Variants in KCNAB1 observed in about 807,000 individuals in gnomAD.
KCNAB1 encodes the protein voltage-gated potassium channel subunit beta-1.
In KCNAB1, 35 loss-of-function variants were observed where a neutral mutation model predicts 64.6. That is an observed-to-expected ratio of 0.54 (90% CI 0.41 to 0.72). The LOEUF is 0.72. Ranked by LOEUF, KCNAB1 falls within the 30% of genes least tolerant of loss-of-function variation. The pLI, the probability that KCNAB1 is intolerant of heterozygous loss-of-function variation, is 0.00. For synonymous variants in KCNAB1, 177 were observed against 183.8 expected (o/e 0.96, Z 0.30); for missense variants, 401 against 512.9 (o/e 0.78, Z 2.11).
At chr3:156,518,074 A>G (rs1334717430) in intron 11 of KCNAB1, among the ~76,000 whole-genome samples, 1 of 152,234 alleles carries the variant, frequency 6.6e-6, no homozygotes, top group Non-Finnish European at 1.5e-5. Flanking sequence ...CAAACAGCTG[A>G]AAAATCTTTC....
At chr3:156,246,331 C>T (rs936437081) in intron 1 of KCNAB1, among the ~76,000 whole-genome samples, 4 of 152,182 alleles carry the variant, frequency 2.6e-5, no homozygotes, top group South Asian at 4.2e-4. Flanking sequence ...ATAGGCCAGG[C>T]GCGGTGGCTC....
intron 1 of KCNAB1, among the ~76,000 whole-genome samples, chr3:156,268,001 T>C (rs980281389): frequency 6.6e-6 from 1 of 151,992 alleles, no homozygotes; most frequent in African/African-American, 2.4e-5. Flanking sequence ...TTTTTTTTAA[T>C]CCATTAGCCA....
intron 1 of KCNAB1, among the ~76,000 whole-genome samples, chr3:156,269,052 G>A (rs558319234): frequency 5.9e-5 from 9 of 152,074 alleles, no homozygotes; most frequent in Admixed American, 2.0e-4. Flanking sequence ...GAAAAATAAC[G>A]GCCTAATTTT....
chr3:156,405,204 T>A (rs1429920387), intron 1 of KCNAB1, among the ~76,000 whole-genome samples: 3 of 152,216 alleles, frequency 2.0e-5, no homozygotes, highest in African/African-American at 7.2e-5. Context: ...GAGCCTTTTA[T>A]CCATTTGTCC....
At chr3:156,340,815 T>C (rs1724055242) in intron 1 of KCNAB1, among the ~76,000 whole-genome samples, 1 of 152,218 alleles carries the variant, frequency 6.6e-6, no homozygotes, top group Non-Finnish European at 1.5e-5. Flanking sequence ...TTTATTGCTA[T>C]GTCTTTATTG....
chr3:156,532,182 T>C (rs777604470), intron 13 of KCNAB1, among the ~76,000 whole-genome samples: 4 of 152,144 alleles, frequency 2.6e-5, no homozygotes, highest in Admixed American at 1.3e-4. Flanking sequence ...CCATTCCCTA[T>C]CCCATGAGAT....
At chr3:156,162,263 T>A (rs947474614) in intron 1 of KCNAB1, among the ~76,000 whole-genome samples, 4 of 151,386 alleles carry the variant, frequency 2.6e-5, no homozygotes, top group African/African-American at 7.3e-5. Context: ...TTTTTTTTTT[T>A]AATTTTTAGC....
At chr3:156,388,890 C>T (rs776045874) in intron 1 of KCNAB1, among the ~76,000 whole-genome samples, 16 of 152,172 alleles carry the variant, frequency 1.1e-4, no homozygotes, top group East Asian at 1.9e-4. Context: ...TGTCCTTTCA[C>T]GTCAGGGGCA....
chr3:156,143,294 C>T (rs780019487), intron 1 of KCNAB1: 9 of 1,613,698 alleles, frequency 5.6e-6, no homozygotes, highest in Non-Finnish European at 6.8e-6. Flanking sequence ...AAGACTCAGC[C>T]TCAGGCGGCC....
chr3:156,451,192 T>G (rs930156735), intron 2 of KCNAB1, among the ~76,000 whole-genome samples: 6 of 152,202 alleles, frequency 3.9e-5, no homozygotes, highest in African/African-American at 7.2e-5. Flanking sequence ...TATTCAAAAT[T>G]TATTAAAATA....
chr3:156,360,862 ACCT>A (rs1478529263), intron 1 of KCNAB1, among the ~76,000 whole-genome samples: 1 of 151,004 alleles, frequency 6.6e-6, no homozygotes, highest in Admixed American at 6.6e-5. Flanking sequence ...GCTGCTCCTC[ACCT>A]CCTCCTCTAC....
At chr3:156,471,665 C>T (rs920930865) in intron 7 of KCNAB1, among the ~76,000 whole-genome samples, 1 of 152,242 alleles carries the variant, frequency 6.6e-6, no homozygotes, top group Non-Finnish European at 1.5e-5. Context: ...AAACTTAAAA[C>T]AATACCTGGC....
chr3:156,333,692 G>T (rs1194048981), intron 1 of KCNAB1, among the ~76,000 whole-genome samples: 1 of 152,084 alleles, frequency 6.6e-6, no homozygotes, highest in Non-Finnish European at 1.5e-5. Context: ...AAATTTTCAT[G>T]CACATTGACA....
intron 7 of KCNAB1, among the ~76,000 whole-genome samples, chr3:156,466,891 T>A (rs539545304): frequency 2.0e-5 from 3 of 152,218 alleles, no homozygotes; most frequent in African/African-American, 7.2e-5. Context: ...CTTATACTTT[T>A]TGCAGTAAAG....
At chr3:156,474,929 G>C in intron 8 of KCNAB1, 109 bp downstream of exon 8, 1 of 915,168 alleles carries the variant, frequency 1.1e-6, no homozygotes, top group Non-Finnish European at 1.7e-6. Context: ...AACTGAATGT[G>C]AAAAATAAAA....
intron 1 of KCNAB1, among the ~76,000 whole-genome samples, chr3:156,409,377 T>G (rs1176728866): frequency 2.0e-5 from 3 of 152,220 alleles, no homozygotes; most frequent in African/African-American, 7.2e-5. Flanking sequence ...TGCCATGCAG[T>G]GATTAATTAA....
intron 2 of KCNAB1, among the ~76,000 whole-genome samples, chr3:156,423,413 G>A (rs1281346785): frequency 1.3e-5 from 2 of 152,198 alleles, no homozygotes; most frequent in East Asian, 3.8e-4. Flanking sequence ...TGGGGTGGTG[G>A]AGGGGGAGGT....
intron 1 of KCNAB1, among the ~76,000 whole-genome samples, chr3:156,188,211 G>T: frequency 1.3e-5 from 2 of 150,120 alleles, no homozygotes; most frequent in African/African-American, 2.4e-5. Context: ...CTCCCTGTGG[G>T]GTTTTTTTTT....
At chr3:156,266,826 G>C (rs1168163247) in intron 1 of KCNAB1, among the ~76,000 whole-genome samples, 2 of 152,130 alleles carry the variant, frequency 1.3e-5, no homozygotes, top group Non-Finnish European at 2.9e-5. Flanking sequence ...GTCCCCAGAT[G>C]CTTGTTTATT....
Sources: allele counts gnomAD v4.1 joint callset (sites outside exome capture counted in the v4.1 genomes callset), GRCh38; gene constraint gnomAD v4.1.1; transcripts MANE v1.5; gene names NCBI Gene and HGNC (gene_info 2026-07-23, HGNC 2026-07-21).